PRKG1: variants seen among roughly 807,000 people sequenced by gnomAD.
PRKG1 encodes cGMP-dependent protein kinase 1.
A neutral mutation model predicts 88.1 loss-of-function variants in PRKG1; 35 were observed. The observed-to-expected ratio is 0.40, with a 90% CI of 0.30 to 0.53. PRKG1 has a LOEUF of 0.53. Among genes scored for constraint, PRKG1 ranks in the 20% least tolerant of loss-of-function variants. The pLI is 0.59. For missense variants in PRKG1, 540 were observed against 839.8 expected, an observed-to-expected ratio of 0.64 and a Z score of 4.41; for synonymous variants, 303 against 292.5, an observed-to-expected ratio of 1.04 and a Z score of -0.37.
At chr10:52,284,893 G>C (rs1044260273) in intron 14 of PRKG1, among the ~76,000 whole-genome samples, 2 of 152,044 alleles carry the variant, frequency 1.3e-5, no homozygotes, top group African/African-American at 2.4e-5. Flanking sequence ...CAGAGAATGT[G>C]GTGGGGCTTT....
intron 5 of PRKG1, among the ~76,000 whole-genome samples, chr10:51,912,016 T>C (rs1564705045): frequency 2.6e-5 from 4 of 152,194 alleles, no homozygotes; most frequent in Non-Finnish European, 5.9e-5. Context: ...TGAAGGATAC[T>C]ATGATAAGGA....
chr10:51,788,304 T>A (rs1273133494), intron 3 of PRKG1, among the ~76,000 whole-genome samples: 1 of 152,208 alleles, frequency 6.6e-6, no homozygotes, highest in Non-Finnish European at 1.5e-5. Context: ...CATTGTTGAA[T>A]GATCAATTTT....
chr10:51,058,169 A>G (rs1383262405), intron 1 of PRKG1, among the ~76,000 whole-genome samples: 1 of 151,986 alleles, frequency 6.6e-6, no homozygotes, highest in African/African-American at 2.4e-5. Context: ...CTGTTCAAGT[A>G]TTTTGCCCAT....
rs113549311 is a variant in PRKG1, at chr10:51,706,515, AT to A, written c.593-98057del. Among the ~76,000 whole-genome samples the A allele has an allele frequency of 6.1e-3, 902 of 147,306 alleles. 4 individuals carry two copies. Among genetic ancestry groups the A allele is most frequent in the African/African-American group, 0.018 (739 of 40,498 alleles). ...GGAAGGGATTGCGAAGTCCAGCCCA[AT>A]TTTTTTTTTTTTAATAGATAAAGAA... On this transcript the variant is annotated intron_variant, in intron 3 of 17. Coordinates refer to ENST00000373980, the MANE Select transcript of PRKG1 (RefSeq NM_006258.4).
intron 9 of PRKG1, among the ~76,000 whole-genome samples, chr10:52,193,357 C>A (rs1839413250): frequency 6.6e-6 from 1 of 151,070 alleles, no homozygotes; most frequent in Non-Finnish European, 1.5e-5. Context: ...CCAGCCTGGC[C>A]AAACATGGTG....
intron 4 of PRKG1, among the ~76,000 whole-genome samples, chr10:51,873,278 T>C (rs1841205828): frequency 6.6e-6 from 1 of 152,054 alleles, no homozygotes; most frequent in African/African-American, 2.4e-5. Flanking sequence ...ATGGGATTCA[T>C]GGGATTAATT....
chr10:51,808,017 A>G (rs1839351805), intron 4 of PRKG1, among the ~76,000 whole-genome samples: 1 of 152,156 alleles, frequency 6.6e-6, no homozygotes, highest in Non-Finnish European at 1.5e-5. Flanking sequence ...TCACATCCCC[A>G]GGTTAGCTAT....
intron 5 of PRKG1, among the ~76,000 whole-genome samples, chr10:51,958,612 T>C (rs141896067): frequency 6.6e-4 from 99 of 150,382 alleles, no homozygotes; most frequent in African/African-American, 2.3e-3. Flanking sequence ...TGAATATGTG[T>C]ACACATGAGT....
At chr10:51,404,588 G>T (rs571999382) in intron 2 of PRKG1, among the ~76,000 whole-genome samples, 184 of 152,288 alleles carry the variant, frequency 1.2e-3, no homozygotes, top group Non-Finnish European at 2.3e-3. Flanking sequence ...AAACATACTT[G>T]CTTGGGTGGA....
intron 3 of PRKG1, among the ~76,000 whole-genome samples, chr10:51,529,256 A>C (rs1180324104): frequency 1.3e-5 from 2 of 151,994 alleles, no homozygotes; most frequent in Non-Finnish European, 2.9e-5. Context: ...TTCAAGGCCT[A>C]AGTCTCTCTG....
Position 51,790,913 on chromosome 10 carries a change from C to T in PRKG1, c.593-13672C>T, listed in dbSNP as rs1838854023. 2.6e-5 allele frequency among the ~76,000 whole-genome samples: 4 copies of T among 152,100 alleles called. No homozygotes were observed. In the South Asian group the frequency reaches 8.3e-4, roughly 32 times the overall value. Reference sequence around the variant, plus strand: ...ACCATCCAATTCAGTAATCCTGTCTCTGTTATTTTATTAGTTGGTCTACTT... The same window carrying T: ...ACCATCCAATTCAGTAATCCTGTCTTTGTTATTTTATTAGTTGGTCTACTT... On this transcript the variant is annotated intron_variant, in intron 3 of 17. Transcript: ENST00000373980.
At chr10:51,172,387 T>G (rs895065474) in intron 2 of PRKG1, among the ~76,000 whole-genome samples, 2 of 152,084 alleles carry the variant, frequency 1.3e-5, no homozygotes, top group Non-Finnish European at 2.9e-5. Context: ...AGATAAAATT[T>G]AATAATAAAA....
chr10:51,477,957 A>G (rs1213763120), intron 3 of PRKG1, among the ~76,000 whole-genome samples: 1 of 152,072 alleles, frequency 6.6e-6, no homozygotes, highest in Non-Finnish European at 1.5e-5. Flanking sequence ...AGGTAAGGAT[A>G]TAGTGGCAAA....
intron 1 of PRKG1, among the ~76,000 whole-genome samples, chr10:51,097,423 A>G (rs1015350421): frequency 1.3e-5 from 2 of 152,004 alleles, no homozygotes; most frequent in African/African-American, 2.4e-5. Flanking sequence ...GGGTTTTGCC[A>G]TGTTGCCAAG....
At chr10:51,975,174 G>C (rs1843800117) in intron 5 of PRKG1, among the ~76,000 whole-genome samples, 1 of 151,998 alleles carries the variant, frequency 6.6e-6, no homozygotes, top group Admixed American at 6.6e-5. Context: ...GGCTTCATAG[G>C]TCCATTTTAT....
At chr10:51,178,494 A>G (rs1564628639) in intron 2 of PRKG1, among the ~76,000 whole-genome samples, 1 of 152,074 alleles carries the variant, frequency 6.6e-6, no homozygotes, top group Admixed American at 6.6e-5. Flanking sequence ...AAAATTAGCC[A>G]GGCATGGTGG....
chr10:51,815,571 A>C (rs1427002612), intron 4 of PRKG1, among the ~76,000 whole-genome samples: 3 of 152,066 alleles, frequency 2.0e-5, no homozygotes, highest in African/African-American at 7.3e-5. Flanking sequence ...TAGACAAAGA[A>C]AGCGTCTTAG....
Position 51,966,891 on chromosome 10 carries a change from A to T in PRKG1, c.762+59321A>T, listed in dbSNP as rs183453958. 2.6e-3 allele frequency among the ~76,000 whole-genome samples: 393 copies of T among 152,294 alleles called. 2 individuals are homozygous for T. Among genetic ancestry groups the T allele is most frequent in the African/African-American group, 9.1e-3 (380 of 41,556 alleles). ...TCTCATACCAGTTAGAATGGCAATC[A>T]TTAAAAAGTCAGGAAACAACAGGTG... On this transcript the variant is annotated intron_variant, in intron 5 of 17. Coordinates refer to ENST00000373980, the MANE Select transcript of PRKG1 (RefSeq NM_006258.4).
chr10:51,542,908 C>T (rs1020115013), intron 3 of PRKG1, among the ~76,000 whole-genome samples: 4 of 152,154 alleles, frequency 2.6e-5, no homozygotes, highest in East Asian at 1.9e-4. Flanking sequence ...CAAACATTAA[C>T]GTTTTGATTC....
Sources: gnomAD v4.1 joint callset for allele counts (sites outside exome capture counted in the v4.1 genomes callset) on GRCh38, gnomAD v4.1.1 for gene constraint, MANE v1.5 for transcripts, NCBI Gene and HGNC (gene_info 2026-07-23, HGNC 2026-07-21) for gene names.